DENND2C: variants seen among roughly 807,000 people sequenced by gnomAD.
The protein encoded by DENND2C is DENN domain-containing protein 2C.
In DENND2C, 72 loss-of-function variants were observed where a neutral mutation model predicts 112.4. The observed-to-expected ratio is 0.64, with a 90% CI of 0.53 to 0.78. The LOEUF is 0.78. Among genes scored for constraint, DENND2C ranks in the 30% least tolerant of loss-of-function variants. DENND2C has a pLI of 0.00. For synonymous variants in DENND2C, 329 were observed against 381.6 expected (o/e 0.86, Z 1.61); for missense variants, 992 against 1,113.8 (o/e 0.89, Z 1.56).
At chr1:114,664,128 C>T (rs976278853) in intron 1 of DENND2C, among the ~76,000 whole-genome samples, 1 of 151,934 alleles carries the variant, frequency 6.6e-6, no homozygotes, top group Non-Finnish European at 1.5e-5. Flanking sequence ...TTTGTAGAGA[C>T]GAGGTCTCCT....
At chr1:114,609,809 A>C (rs1227212893) in intron 9 of DENND2C, among the ~76,000 whole-genome samples, 1 of 152,254 alleles carries the variant, frequency 6.6e-6, no homozygotes, top group African/African-American at 2.4e-5. Flanking sequence ...ATTTTTAAAA[A>C]ATGCATCCTG....
At chr1:114,667,110 T>A (rs897715605) in intron 1 of DENND2C, among the ~76,000 whole-genome samples, 1 of 152,230 alleles carries the variant, frequency 6.6e-6, no homozygotes, top group Non-Finnish European at 1.5e-5. Flanking sequence ...TGGTTTTCAT[T>A]CATATCTCCT....
intron 8 of DENND2C, among the ~76,000 whole-genome samples, chr1:114,615,824 C>G (rs1160257325): frequency 6.6e-6 from 1 of 152,134 alleles, no homozygotes; most frequent in Non-Finnish European, 1.5e-5. Context: ...GCCTGTAATC[C>G]CAGCACTTTG....
chr1:114,611,569 ATT>A (rs768649929), intron 8 of DENND2C, among the ~76,000 whole-genome samples: 4 of 152,302 alleles, frequency 2.6e-5, no homozygotes, highest in Non-Finnish European at 5.9e-5. Flanking sequence ...GGAGAGAGAT[ATT>A]ACCAAGTCAG....
intron 1 of DENND2C, among the ~76,000 whole-genome samples, chr1:114,662,780 A>AC (rs1413585026): frequency 3.3e-5 from 5 of 152,082 alleles, no homozygotes; most frequent in African/African-American, 7.2e-5. Context: ...ACGTATTGAG[A>AC]CCCCATCTCT....
intron 20 of DENND2C, 21 bp downstream of exon 20, chr1:114,587,366 C>T (rs1655065850): frequency 1.2e-6 from 2 of 1,613,874 alleles, no homozygotes; most frequent in Non-Finnish European, 1.7e-6. Flanking sequence ...ATTTATCTAA[C>T]AGGAAAACAC....
chr1:114,625,865 C>T lies in DENND2C; in HGVS notation c.120G>A (p.Lys40=). ...TCACTCCAAAGTCCTTTGGACACCA[C>T]TTTTCTGGATTAGATATACCATTAG... ...GRANGISNPE[K]WCPKDFGVRY... is the part of the protein sequence containing the mutation. The change falls in exon 4 of 21, where the codon AAG becomes AAA. Residue 40 remains lysine, a synonymous_variant. Coordinates refer to ENST00000393274, the MANE Select transcript of DENND2C (RefSeq NM_001256404.2). 1 of 1,614,076 alleles carries T rather than the reference C, an allele frequency of 6.2e-7. No individual in the cohort carries two copies. Among genetic ancestry groups the T allele is most frequent in the Non-Finnish European group, 8.5e-7 (1 of 1,180,010 alleles).
At chr1:114,666,030 A>T (rs1657637636) in intron 1 of DENND2C, among the ~76,000 whole-genome samples, 2 of 152,202 alleles carry the variant, frequency 1.3e-5, no homozygotes, top group African/African-American at 4.8e-5. Flanking sequence ...GGAAACAATT[A>T]TCTTCCTCCA....
At chr1:114,654,008 A>G (rs575143030) in intron 2 of DENND2C, among the ~76,000 whole-genome samples, 6 of 152,366 alleles carry the variant, frequency 3.9e-5, no homozygotes, top group African/African-American at 1.4e-4. Context: ...AATATAAATT[A>G]ACTTTAATCT....
intron 10 of DENND2C, among the ~76,000 whole-genome samples, chr1:114,607,040 C>G (rs1000425499): frequency 6.6e-6 from 1 of 152,202 alleles, no homozygotes; most frequent in Non-Finnish European, 1.5e-5. Flanking sequence ...CCTAACCCTC[C>G]CAATGCCTGT....
At chr1:114,604,867 C>CT in intron 11 of DENND2C, 55 bp downstream of exon 11, 1 of 1,295,852 alleles carries the variant, frequency 7.7e-7, no homozygotes, top group South Asian at 1.2e-5. Context: ...CTCAAATACT[C>CT]TGATTTATTT....
chr1:114,587,604 A>G, intron 19 of DENND2C, 112 bp downstream of exon 19: 1 of 1,415,608 alleles, frequency 7.1e-7, no homozygotes, highest in Non-Finnish European at 9.7e-7. Context: ...CTCATAATAA[A>G]CAACTCAGAT....
rs1472624876 is a variant in DENND2C at position 114,618,477 on chromosome 1, T to C, written c.1233A>G (p.Val411=). The change falls in exon 8 of 21, where the codon GTA becomes GTG. Residue 411 remains valine (V), a synonymous_variant. Coordinates refer to ENST00000393274, the MANE Select transcript of DENND2C (RefSeq NM_001256404.2). Reference sequence around the variant, plus strand: ...ATTCAAATATGTCATCTATTTTCAATACAAGCTGAAAAAAGACCAGAAAAA... The same window carrying C: ...ATTCAAATATGTCATCTATTTTCAACACAAGCTGAAAAAAGACCAGAAAAA... ...NTKRKNLPRL[V]LKIDDIFESK... 1 of 1,564,860 alleles carries C rather than the reference T, an allele frequency of 6.4e-7. No homozygotes were observed. The highest frequency in any genetic ancestry group is 8.6e-7 in the Non-Finnish European group (1 of 1,157,582).
intron 1 of DENND2C, among the ~76,000 whole-genome samples, chr1:114,659,065 T>C (rs941065444): frequency 1.3e-5 from 2 of 152,266 alleles, no homozygotes; most frequent in Middle Eastern, 3.4e-3. Flanking sequence ...CAAATGAATC[T>C]CTTGGCCAAA....
At chr1:114,590,757 C>T (rs1176751939) in intron 18 of DENND2C, among the ~76,000 whole-genome samples, 6 of 126,590 alleles carry the variant, frequency 4.7e-5, no homozygotes, top group South Asian at 2.5e-4. Flanking sequence ...CCAGCCTGGG[C>T]GACAGAGCGA....
intron 2 of DENND2C, among the ~76,000 whole-genome samples, chr1:114,647,174 AG>A (rs1657015172): frequency 4.3e-5 from 5 of 114,964 alleles, no homozygotes; most frequent in Non-Finnish European, 3.8e-5. Context: ...AAAAAAAAAG[AG>A]AGAGAGAGAG....
chr1:114,600,868 A>C lies in DENND2C; in HGVS notation c.1908T>G (p.Pro636=). The change falls in exon 14 of 21, where the codon CCT becomes CCG. Residue 636 remains proline, a synonymous_variant. Coordinates refer to ENST00000393274, the MANE Select transcript of DENND2C (RefSeq NM_001256404.2). The part of the protein sequence containing the change: ...RSVMEAPFPA[P]GRTITVKSYL... ...AACTCTTAACTGTGATGGTGCGTCC[A>C]GGAGCTGGGAAAGGAGCTTCCATGA... 1 of 1,614,124 alleles carries C rather than the reference A, an allele frequency of 6.2e-7. No individual in the cohort carries two copies. The highest frequency in any genetic ancestry group is 8.5e-7 in the Non-Finnish European group (1 of 1,179,966).
At chr1:114,603,918 A>G (rs936991954) in intron 11 of DENND2C, among the ~76,000 whole-genome samples, 1 of 152,232 alleles carries the variant, frequency 6.6e-6, no homozygotes, top group African/African-American at 2.4e-5. Context: ...AAATATTTAC[A>G]GTGATTACTT....
chr1:114,593,206 T>C (rs1655244076), intron 18 of DENND2C, among the ~76,000 whole-genome samples: 1 of 152,166 alleles, frequency 6.6e-6, no homozygotes, highest in Non-Finnish European at 1.5e-5. Context: ...TGTTGCTGGA[T>C]AGTTCTCCTC....
Sources: allele counts gnomAD v4.1 joint callset (sites outside exome capture counted in the v4.1 genomes callset), GRCh38; gene constraint gnomAD v4.1.1; transcripts MANE v1.5; gene names NCBI Gene and HGNC (gene_info 2026-07-23, HGNC 2026-07-21).